SLC4A7: variants seen among roughly 807,000 people sequenced by gnomAD.
SLC4A7 encodes the protein sodium bicarbonate cotransporter 3.
SLC4A7 carries 51 observed loss-of-function variants against 137.6 expected under a neutral mutation model. The ratio of observed to expected loss-of-function variants is 0.37; its 90% CI spans 0.30 to 0.47. SLC4A7 has a LOEUF of 0.47. Ranked by LOEUF, SLC4A7 falls within the 20% of genes least tolerant of loss-of-function variation. SLC4A7 has a pLI of 1.00. For synonymous variants in SLC4A7, 542 were observed against 518.6 expected, an observed-to-expected ratio of 1.05 and a Z score of -0.61; for missense variants, 1,247 against 1,525.4, an observed-to-expected ratio of 0.82 and a Z score of 3.04.
At chr3:27,409,678 A>T in intron 12 of SLC4A7, 148 bp from the exon 13 acceptor site, 1 of 581,068 alleles carries the variant, frequency 1.7e-6, no homozygotes, top group East Asian at 2.9e-5. Context: ...ATTACAGAAG[A>T]TACACTCATT....
chr3:27,409,973 T>G lies in SLC4A7; in HGVS notation c.1767-443A>C, dbSNP rs566136877. ...TTATCCAAATACACTTTAATATAAA[T>G]GTAGTATGTTGTGCTTAGATGCACA... On this transcript the variant is annotated intron_variant, in intron 12 of 25. Transcript: ENST00000454389. Among the ~76,000 whole-genome samples, 310 of 152,326 alleles carry G rather than the reference T, an allele frequency of 2.0e-3. 1 individual carries two copies. Among genetic ancestry groups the G allele is most frequent in the African/African-American group, 7.2e-3 (300 of 41,594 alleles).
Position 27,404,915 on chromosome 3 carries a change from A to C in SLC4A7, c.1990T>G (p.Ser664Ala), listed in dbSNP as rs764254777. The change falls in exon 14 of 26, where the codon TCA (serine) becomes GCA (alanine). Residue 664 changes from serine to alanine, a missense_variant. Physicochemically the swap from Ser to Ala is moderately conservative, Grantham distance 99. Around this residue, in one of 6 missense-constraint regions of SLC4A7, gnomAD observed 499 missense variants for 664.2 expected, o/e 0.75. Transcript: ENST00000454389. ...GTTAGAGGTTGCCCAGCAAACAATG[A>C]ATAGGCAATCCCAGTTAATGATGCT... ...FGASLTGIAYSLFAGQPLTIL... is the reference protein window; with the variant it reads ...FGASLTGIAYALFAGQPLTIL... 1.4e-5 allele frequency: 22 copies of C among 1,610,850 alleles called. No homozygotes were observed. In the Middle Eastern group the frequency reaches 6.6e-4, roughly 48 times the overall value.
At chr3:27,410,842 G>T (rs779779530) in intron 12 of SLC4A7, among the ~76,000 whole-genome samples, 3 of 152,048 alleles carry the variant, frequency 2.0e-5, no homozygotes, top group Non-Finnish European at 4.4e-5. Flanking sequence ...GTGAATTTCA[G>T]TTTCTCTAAA....
chr3:27,461,330 C>T (rs532638074), intron 1 of SLC4A7, among the ~76,000 whole-genome samples: 3 of 151,734 alleles, frequency 2.0e-5, no homozygotes, highest in Admixed American at 6.6e-5. Flanking sequence ...ACCCAGAAGG[C>T]GGAGGTTGCA....
intron 8 of SLC4A7, 57 bp downstream of exon 8, chr3:27,423,977 TTAC>T: frequency 9.8e-7 from 1 of 1,020,818 alleles, no homozygotes; most frequent in Middle Eastern, 2.1e-4. Flanking sequence ...TAGCCACAAA[TTAC>T]TACTTATTTC....
At chr3:27,470,011 T>C (rs2059169475) in intron 1 of SLC4A7, among the ~76,000 whole-genome samples, 2 of 152,224 alleles carry the variant, frequency 1.3e-5, no homozygotes, top group African/African-American at 4.8e-5. Flanking sequence ...TTGGCATACA[T>C]ATAAAACATA....
At chr3:27,391,586 A>G in intron 21 of SLC4A7, 154 bp downstream of exon 21, 2 of 591,650 alleles carry the variant, frequency 3.4e-6, no homozygotes, top group South Asian at 2.2e-5. Context: ...TAAGCAAACA[A>G]TCACTTGGCA....
At chr3:27,402,281 T>A (rs1199821477) in intron 15 of SLC4A7, among the ~76,000 whole-genome samples, 2 of 152,226 alleles carry the variant, frequency 1.3e-5, no homozygotes. Context: ...CAAACTTTTG[T>A]AACCACTACA....
intron 1 of SLC4A7, chr3:27,456,775 C>A: frequency 6.4e-7 from 1 of 1,557,538 alleles, no homozygotes; most frequent in Non-Finnish European, 8.6e-7. Context: ...ATTTAGGTCA[C>A]TGTGCTTTGC....
chr3:27,389,802 C>A, intron 22 of SLC4A7, 129 bp downstream of exon 22: 1 of 644,078 alleles, frequency 1.6e-6, no homozygotes, highest in South Asian at 2.6e-5. Flanking sequence ...ACAGCTAATT[C>A]ACATTTTCAA....
chr3:27,414,516 A>G (rs989707536), intron 11 of SLC4A7, among the ~76,000 whole-genome samples: 3 of 152,176 alleles, frequency 2.0e-5, no homozygotes, highest in Non-Finnish European at 4.4e-5. Context: ...ATTAATGGAA[A>G]TACATCATAA....
intron 3 of SLC4A7, among the ~76,000 whole-genome samples, chr3:27,439,164 G>A (rs2056994690): frequency 6.6e-6 from 1 of 152,156 alleles, no homozygotes; most frequent in South Asian, 2.1e-4. Context: ...ATAAAGAGTA[G>A]ATTCAATGGA....
At chr3:27,445,237 A>G (rs566586077) in intron 3 of SLC4A7, among the ~76,000 whole-genome samples, 37 of 152,284 alleles carry the variant, frequency 2.4e-4, no homozygotes, top group African/African-American at 8.4e-4. Flanking sequence ...AAACATTCAA[A>G]AGGATCCTTT....
chr3:27,381,604 A>C (rs924362845), intron 24 of SLC4A7, among the ~76,000 whole-genome samples: 2 of 152,212 alleles, frequency 1.3e-5, no homozygotes, highest in African/African-American at 4.8e-5. Flanking sequence ...GAATTCATTC[A>C]TCACAACTAA....
At chr3:27,393,916 G>T (rs2150100335) in intron 20 of SLC4A7, among the ~76,000 whole-genome samples, 1 of 152,172 alleles carries the variant, frequency 6.6e-6, no homozygotes, top group Non-Finnish European at 1.5e-5. Flanking sequence ...CAAACTCTGT[G>T]GTCTCAAGAC....
At chr3:27,415,171 C>T (rs1266742368) in intron 11 of SLC4A7, among the ~76,000 whole-genome samples, 1 of 152,156 alleles carries the variant, frequency 6.6e-6, no homozygotes, top group Non-Finnish European at 1.5e-5. Context: ...CACTTCGACA[C>T]CTTTGGTGCT....
At chr3:27,474,894 G>C (rs2059401142) in intron 1 of SLC4A7, among the ~76,000 whole-genome samples, 1 of 152,054 alleles carries the variant, frequency 6.6e-6, no homozygotes, top group South Asian at 2.1e-4. Flanking sequence ...GATCACTTGA[G>C]GTCAGGAGTT....
intron 11 of SLC4A7, among the ~76,000 whole-genome samples, chr3:27,412,851 T>G (rs1459857763): frequency 6.6e-6 from 1 of 151,290 alleles, no homozygotes; most frequent in African/African-American, 2.4e-5. Flanking sequence ...TTCAAGAAAA[T>G]TAAGCAATTA....
At chr3:27,475,190 T>G (rs1163802979) in intron 1 of SLC4A7, among the ~76,000 whole-genome samples, 1 of 151,880 alleles carries the variant, frequency 6.6e-6, no homozygotes, top group Non-Finnish European at 1.5e-5. Context: ...CAGTCAAGAT[T>G]TTTTTCTCTG....
Sources: gnomAD v4.1 joint callset for allele counts (sites outside exome capture counted in the v4.1 genomes callset) on GRCh38, gnomAD v4.1.1 for gene constraint, gnomAD v4.1.1 regional missense constraint, MANE v1.5 for transcripts, NCBI Gene and HGNC (gene_info 2026-07-23, HGNC 2026-07-21) for gene names.